ITGB4: variants seen among roughly 807,000 people sequenced by gnomAD.
ITGB4 encodes the protein integrin beta-4.
Under a neutral mutation model 207.6 loss-of-function variants are expected in ITGB4, and 159 were observed. The observed-to-expected ratio is 0.77, with a 90% CI of 0.67 to 0.87. The LOEUF (loss-of-function observed/expected upper bound fraction) is 0.87. ITGB4 is among the 40% of genes least tolerant of loss of function. The pLI, the probability that ITGB4 is intolerant of heterozygous loss-of-function variation, is 0.00. For synonymous variants in ITGB4, 1,020 were observed against 1,062.7 expected (o/e 0.96, Z 0.78); for missense variants, 2,278 against 2,546.8 (o/e 0.89, Z 2.27).
In ITGB4 at chr17:75,728,722, C is replaced by T. The variant is rs820169; in HGVS notation, c.566+249C>T. On this transcript the variant is annotated intron_variant, in intron 6 of 39. Coordinates refer to ENST00000200181, the MANE Select transcript of ITGB4 (RefSeq NM_000213.5). Reference sequence around the variant, plus strand: ...AAAATTGGCTGGGCGCGGTGGTTCACGCCTGTAATCCTAGCACTTTGGGAG... The same window carrying T: ...AAAATTGGCTGGGCGCGGTGGTTCATGCCTGTAATCCTAGCACTTTGGGAG... Among the ~76,000 whole-genome samples the T allele has an allele frequency of 0.27, 41,319 of 151,790 alleles. 5,916 individuals carry two copies. The highest frequency in any genetic ancestry group is 0.42 in the East Asian group (2,178 of 5,146).
chr17:75,737,277 G>A lies in ITGB4; in HGVS notation c.1991-45G>A, dbSNP rs138029514. 3.3e-3 allele frequency: 5,143 copies of A among 1,572,338 alleles called. 11 individuals are homozygous for A. The highest frequency in any genetic ancestry group is 7.0e-3 in the Middle Eastern group (42 of 5,990). ...CACCAGACCCTGGGTCCTCTGGGGCGGAGGGGTGTGGCTGGGGTGCCCTGC... is the reference window on the plus strand; with the variant it reads ...CACCAGACCCTGGGTCCTCTGGGGCAGAGGGGTGTGGCTGGGGTGCCCTGC... On this transcript the variant is annotated intron_variant, in intron 16 of 39. Coordinates refer to ENST00000200181, the MANE Select transcript of ITGB4 (RefSeq NM_000213.5).
In ITGB4 at chr17:75,731,736, C is replaced by T. The variant is rs1053374621; in HGVS notation, c.1216-76C>T. The T allele has an allele frequency of 1.6e-5, 24 of 1,456,332 alleles. No homozygotes were observed. The highest frequency in any genetic ancestry group is 2.5e-5 in the East Asian group (1 of 40,194). The allele number at this position is 1,456,332 out of a possible 1,614,324, so 90.2% of individuals were successfully genotyped here. A position where few individuals can be genotyped will look rare whatever the true frequency, so the allele number is the denominator to read the frequency against. ...AGACATCTCCTAGGAACTTGGGGGC[C>T]GAGGGCCTTCAGGCATCGATGGCCC... On this transcript the variant is annotated intron_variant, in intron 10 of 39. Transcript: ENST00000200181. This position sits in a 1 kb window ranked among gnomAD's most constrained non-coding sequence, Gnocchi z 6.8.
At chr17:75,755,646 C>T in intron 34 of ITGB4, 55 bp from the exon 35 acceptor site, 3 of 1,607,986 alleles carry the variant, frequency 1.9e-6, no homozygotes, top group Non-Finnish European at 2.5e-6. Context: ...CACTGTGACT[C>T]CCACTGAGAC....
chr17:75,729,228 C>A lies in ITGB4; in HGVS notation c.567-37C>A. On this transcript the variant is annotated intron_variant, in intron 6 of 39. Transcript: ENST00000200181. This position sits in a 1 kb window ranked among gnomAD's most constrained non-coding sequence, Gnocchi z 4.4. Reference sequence around the variant, plus strand: ...GGCACTGGGGTCTGCGGCGTCTTCCCCCTGTGACACTCTCTCTCCCTCCCA... The same window carrying A: ...GGCACTGGGGTCTGCGGCGTCTTCCACCTGTGACACTCTCTCTCCCTCCCA... 1 of 1,607,248 alleles carries A rather than the reference C, an allele frequency of 6.2e-7. No homozygotes were observed. Among genetic ancestry groups the A allele is most frequent in the Non-Finnish European group, 8.5e-7 (1 of 1,174,304 alleles).
chr17:75,730,601 C>T (rs1599229316), intron 8 of ITGB4, 97 bp downstream of exon 8: 4 of 930,492 alleles, frequency 4.3e-6, no homozygotes, highest in Admixed American at 2.5e-5. Flanking sequence ...TCCCTCCCTC[C>T]CTTCCTCCCT....
At chr17:75,755,880 G>A (rs773930690) in intron 35 of ITGB4, 30 bp downstream of exon 35, 5 of 1,593,488 alleles carry the variant, frequency 3.1e-6, no homozygotes, top group South Asian at 1.1e-5. Context: ...AGGCTGCGGG[G>A]TGCAGCCCTG....
Position 75,731,218 on chromosome 17 carries a change from G to A in ITGB4, c.1093-28G>A. On this transcript the variant is annotated intron_variant, in intron 9 of 39. Transcript: ENST00000200181. The surrounding 1 kb of genome is among the most constrained non-coding windows in gnomAD (Gnocchi z 6.8). ...GTGGAGCACAGAGGCCCCCCACAGAGCACTGATCAACCTCCTTCCTCCTTT... is the reference window on the plus strand; with the variant it reads ...GTGGAGCACAGAGGCCCCCCACAGAACACTGATCAACCTCCTTCCTCCTTT... The A allele has an allele frequency of 3.1e-6, 5 of 1,613,172 alleles. No homozygotes were observed. The highest frequency in any genetic ancestry group is 4.2e-6 in the Non-Finnish European group (5 of 1,180,026).
intron 18 of ITGB4, among the ~76,000 whole-genome samples, chr17:75,738,228 A>G (rs1599257345): frequency 8.9e-6 from 1 of 112,688 alleles, no homozygotes; most frequent in Non-Finnish European, 1.8e-5. Flanking sequence ...CACCAACCCC[A>G]TCCAGCTTCC....
rs199672740 is a variant in ITGB4 at position 75,750,170 on chromosome 17, G to A, written c.3376G>A (p.Asp1126Asn). 7 of 1,613,854 alleles carry A rather than the reference G, an allele frequency of 4.3e-6. No homozygotes were observed. The Admixed American group carries it at 5.0e-5, about 12-fold the overall frequency. The part of the protein sequence containing the change: ...MLSSQPPPHG[D>N]LGAPQNPNAK... ...GTCATCACAGCCACCCCCTCACGGC[G>A]ACCTGGGCGCCCCGCAGAACCCCAA... Residue 1126 changes from aspartate to asparagine, a missense_variant, in exon 28 of 40, where the codon GAC (aspartate) becomes AAC (asparagine). Physicochemically the swap from Asp to Asn is conservative, Grantham distance 23. Transcript: ENST00000200181. This position sits in a 1 kb window ranked among gnomAD's most constrained non-coding sequence, Gnocchi z 5.5.
chr17:75,746,807 G>A (rs1369352502), intron 26 of ITGB4, among the ~76,000 whole-genome samples: 2 of 151,706 alleles, frequency 1.3e-5, no homozygotes, highest in Non-Finnish European at 2.9e-5. Context: ...TGGGTGTTGT[G>A]GTGTGCACCT....
Position 75,739,618 on chromosome 17 carries a change from AC to A in ITGB4, c.2221-52del. The A allele has an allele frequency of 6.2e-7, 1 of 1,609,906 alleles. No individual in the cohort carries two copies. The highest frequency in any genetic ancestry group is 8.5e-7 in the Non-Finnish European group (1 of 1,176,628). The stretch of plus-strand genomic sequence containing the variant: ...TGGGGCGGGGTGGCTGGAAGGGCTT[AC>A]CTGGGCCAGGGCAGCTGTCTCAGGC... On this transcript the variant is annotated intron_variant, in intron 18 of 39. Coordinates refer to ENST00000200181, the MANE Select transcript of ITGB4 (RefSeq NM_000213.5). This position sits in a 1 kb window ranked among gnomAD's most constrained non-coding sequence, Gnocchi z 5.4.
At position 75,742,319 on chromosome 17, in the gene ITGB4, G is replaced by A. The variant is rs1381737281; in HGVS notation, c.2634-22G>A. The A allele has an allele frequency of 6.2e-7, 1 of 1,613,110 alleles. No homozygotes were observed. Among genetic ancestry groups the A allele is most frequent in the Middle Eastern group, 1.7e-4 (1 of 6,058 alleles). Reference sequence around the variant, plus strand: ...TGCCAGCCTGACCCCTCCGCTGCCTGAACCTTCCACCCTCGACCCAGGCAA... The same window carrying A: ...TGCCAGCCTGACCCCTCCGCTGCCTAAACCTTCCACCCTCGACCCAGGCAA... On this transcript the variant is annotated intron_variant, in intron 23 of 39. Coordinates refer to ENST00000200181, the MANE Select transcript of ITGB4 (RefSeq NM_000213.5). The surrounding 1 kb of genome is among the most constrained non-coding windows in gnomAD (Gnocchi z 5.9).
In ITGB4 at chr17:75,727,860, G is replaced by C; in HGVS notation, c.469+5G>C. 1 of 1,613,388 alleles carries C rather than the reference G, an allele frequency of 6.2e-7. No homozygotes were observed. Among genetic ancestry groups the C allele is most frequent in the South Asian group, 1.1e-5 (1 of 91,038 alleles). On this transcript the variant is annotated splice_donor_5th_base_variant and intron_variant, in intron 5 of 39. Transcript: ENST00000200181. The surrounding 1 kb of genome is among the most constrained non-coding windows in gnomAD (Gnocchi z 6.0). ...AGAAGATGGGGCAGAACCTGGGTAC[G>C]GCAGGGCCAGAGTGGAGGACAGCAG...
chr17:75,754,671 C>A lies in ITGB4; in HGVS notation c.4414C>A (p.His1472Asn). Residue 1472 changes from histidine to asparagine, a missense_variant, in exon 34 of 40, where the codon CAC becomes AAC. Transcript: ENST00000200181. The part of the protein sequence containing the change: ...TTTSAAAYGT[H>N]LSPHVPHRVL... Reference sequence around the variant, plus strand: ...GACCAGTGCTGCTGCCTATGGCACCCACCTGAGCCCACACGTGCCCCACCG... The same window carrying A: ...GACCAGTGCTGCTGCCTATGGCACCAACCTGAGCCCACACGTGCCCCACCG... 1 of 1,614,128 alleles carries A rather than the reference C, an allele frequency of 6.2e-7. No homozygotes were observed. The highest frequency in any genetic ancestry group is 8.5e-7 in the Non-Finnish European group (1 of 1,180,014).
At chr17:75,735,553 C>CA (rs2060957987) in intron 13 of ITGB4, among the ~76,000 whole-genome samples, 1 of 151,842 alleles carries the variant, frequency 6.6e-6, no homozygotes, top group Non-Finnish European at 1.5e-5. Context: ...ACTGGGACTA[C>CA]AGGCATGCGC....
In ITGB4 at chr17:75,749,026, C is replaced by A; in HGVS notation, c.3297C>A (p.Thr1099=). 6.2e-7 allele frequency: 1 copy of A among 1,607,872 alleles called. No homozygotes were observed. Among genetic ancestry groups the A allele is most frequent in the Non-Finnish European group, 8.5e-7 (1 of 1,176,688 alleles). ...GAHLGQPHST[T]IIIRDPDELD... is the part of the protein sequence containing the mutation. The stretch of plus-strand genomic sequence containing the variant: ...ACCTGGGCCAGCCCCACTCCACCAC[C>A]ATCATCATCAGGGACCCAGGTAGGC... Residue 1099 remains threonine (T), a synonymous_variant, in exon 27 of 40, where the codon ACC becomes ACA. Transcript: ENST00000200181.
chr17:75,756,654 C>G, intron 36 of ITGB4, 37 bp downstream of exon 36: 1 of 1,613,056 alleles, frequency 6.2e-7, no homozygotes, highest in Non-Finnish European at 8.5e-7. Flanking sequence ...CTGCCCCCAT[C>G]ATGCCCACCA....
At chr17:75,737,504 C>G in intron 17 of ITGB4, 34 bp from the exon 18 acceptor site, 3 of 1,554,044 alleles carry the variant, frequency 1.9e-6, no homozygotes, top group East Asian at 2.4e-5. Flanking sequence ...GTGGGGAGGA[C>G]AGGCACCACC....
rs774110524 is a variant in ITGB4 at position 75,727,484 on chromosome 17, G to A, written c.243G>A (p.Glu81=). The change falls in exon 4 of 40, where the codon GAG becomes GAA. Residue 81 remains glutamate, a synonymous_variant. Transcript: ENST00000200181. The surrounding 1 kb of genome is among the most constrained non-coding windows in gnomAD (Gnocchi z 6.0). Reference sequence around the variant, plus strand: ...AGCGGGAGAGCATCGTGGTCATGGAGAGCAGCTTCCAAATCACAGAGGTGC... The same window carrying A: ...AGCGGGAGAGCATCGTGGTCATGGAAAGCAGCTTCCAAATCACAGAGGTGC... ...GCQRESIVVM[E]SSFQITEETQ... 5.0e-6 allele frequency: 8 copies of A among 1,613,818 alleles called. No homozygotes were observed. Among genetic ancestry groups the A allele is most frequent in the Non-Finnish European group, 5.9e-6 (7 of 1,180,022 alleles).
Sources: gnomAD v4.1 joint callset for allele counts (sites outside exome capture counted in the v4.1 genomes callset) on GRCh38, gnomAD v4.1.1 for gene constraint, Gnocchi (gnomAD v3.1) non-coding constraint, MANE v1.5 for transcripts, NCBI Gene and HGNC (gene_info 2026-07-23, HGNC 2026-07-21) for gene names.